Variants in NACC2 observed in about 807,000 individuals in gnomAD.
The protein encoded by NACC2 is NACC family member 2.
NACC2 carries 8 observed loss-of-function variants against 25.1 expected under a neutral mutation model. That is an observed-to-expected ratio of 0.32 (90% CI 0.19 to 0.57). NACC2 has a LOEUF of 0.57. Ranked by LOEUF, NACC2 falls within the 20% of genes least tolerant of loss-of-function variation. The pLI, the probability that NACC2 is intolerant of heterozygous loss-of-function variation, is 0.89. For synonymous variants in NACC2, 435 were observed against 294.7 expected, an observed-to-expected ratio of 1.48 and a Z score of -4.88; for missense variants, 644 against 650.2, an observed-to-expected ratio of 0.99 and a Z score of 0.10.
intron 1 of NACC2, among the ~76,000 whole-genome samples, chr9:136,057,145 G>GCCGGGGGTCTGGT (rs1197585333): frequency 6.6e-6 from 1 of 152,232 alleles, no homozygotes. Flanking sequence ...CGTTGGCTCT[G>GCCGGGGGTCTGGT]CCGGGGGTCT....
chr9:136,095,107 G>A (rs1477123561), intron 1 of NACC2, 82 bp downstream of exon 1: 1 of 146,422 alleles, frequency 6.8e-6, no homozygotes, highest in Non-Finnish European at 1.5e-5. Flanking sequence ...CGGAGTTTGC[G>A]GGAAGTGCGG....
chr9:136,053,123 T>G (rs1258418191), intron 1 of NACC2, among the ~76,000 whole-genome samples: 1 of 152,160 alleles, frequency 6.6e-6, no homozygotes, highest in African/African-American at 2.4e-5. Flanking sequence ...GGCAGCAGGA[T>G]GCGGAGGAGG....
rs1840015718 is a variant in NACC2 at position 136,006,644 on chromosome 9, G to T, written c.*4872C>A. Reference sequence around the variant, plus strand: ...TCATGGATTTCCACTGTCTGAAACGGCTCTGAGCACGCTTGAAGCCCTCGG... The same window carrying T: ...TCATGGATTTCCACTGTCTGAAACGTCTCTGAGCACGCTTGAAGCCCTCGG... On this transcript the variant is annotated 3_prime_UTR_variant, in exon 6 of 6. Transcript: ENST00000277554. 6.6e-6 allele frequency: 1 copy of T among 151,906 alleles called. No homozygotes were observed. Among genetic ancestry groups the T allele is most frequent in the South Asian group, 2.1e-4 (1 of 4,658 alleles). The allele number at this position is 151,906 out of a possible 1,614,324, so 9.4% of individuals were successfully genotyped here.
At position 136,007,462 on chromosome 9, in the gene NACC2, GACGC is replaced by G. The variant is rs1840035661; in HGVS notation, c.*4050_*4053del. 5.6e-5 allele frequency: 6 copies of G among 107,266 alleles called. No individual in the cohort carries two copies. Among genetic ancestry groups the G allele is most frequent in the African/African-American group, 1.8e-4 (5 of 27,070 alleles). 6.6% of individuals were successfully genotyped at this position (107,266 alleles called of 1,614,324 possible). On this transcript the variant is annotated 3_prime_UTR_variant, in exon 6 of 6. Transcript: ENST00000277554. ...AGACGCGCACACACACGCGCACACA[GACGC>G]ACACACACAGACGCACACACGCACA...
intron 1 of NACC2, among the ~76,000 whole-genome samples, chr9:136,085,137 ATTTTTTTT>A (rs913472378): frequency 4.8e-5 from 4 of 82,770 alleles, no homozygotes; most frequent in Non-Finnish European, 6.9e-5. Flanking sequence ...CATTTCTACA[ATTTTTTTT>A]TTTTTTTTTT....
chr9:136,047,212 G>A (rs911843338), intron 2 of NACC2, among the ~76,000 whole-genome samples: 19 of 152,282 alleles, frequency 1.2e-4, no homozygotes, highest in Middle Eastern at 3.4e-3. Flanking sequence ...GGACGAGCCC[G>A]GGACACGGAG....
At chr9:136,080,445 G>A (rs753603600) in intron 1 of NACC2, among the ~76,000 whole-genome samples, 2 of 152,176 alleles carry the variant, frequency 1.3e-5, no homozygotes, top group Non-Finnish European at 2.9e-5. Context: ...GGTGGCGCAC[G>A]CCTGCAATCC....
At position 136,050,333 on chromosome 9, in the gene NACC2, G is replaced by T; in HGVS notation, c.189C>A (p.Ser63Arg). The change falls in exon 2 of 6, where the codon AGC becomes AGA. Residue 63 changes from serine (S) to arginine (R), a missense_variant. Physicochemically the swap from Ser to Arg is moderately radical, Grantham distance 110. Transcript: ENST00000277554. ...LYFRDLFSGN[S>R]KSAFELPGSV... Reference sequence around the variant, plus strand: ...AGCCGGGCAGCTCGAAGGCGCTCTTGCTGTTGCCGCTGAACAGGTCGCGGA... The same window carrying T: ...AGCCGGGCAGCTCGAAGGCGCTCTTTCTGTTGCCGCTGAACAGGTCGCGGA... 1 of 740,656 alleles carries T rather than the reference G, an allele frequency of 1.4e-6. No homozygotes were observed. The allele number at this position is 740,656 out of a possible 1,614,324, so 45.9% of individuals were successfully genotyped here.
intron 1 of NACC2, among the ~76,000 whole-genome samples, chr9:136,059,221 A>T (rs1304139274): frequency 6.6e-6 from 1 of 152,200 alleles, no homozygotes; most frequent in East Asian, 1.9e-4. Flanking sequence ...CCCCGGGACT[A>T]GGGACACCCT....
intron 2 of NACC2, among the ~76,000 whole-genome samples, chr9:136,039,359 A>G (rs901818231): frequency 1.3e-5 from 2 of 152,388 alleles, no homozygotes; most frequent in South Asian, 2.1e-4. Flanking sequence ...GCCTTCCCAC[A>G]ATTAACAACA....
At chr9:136,049,521 G>A (rs1459884081) in intron 2 of NACC2, 115 bp downstream of exon 2, 5 of 615,796 alleles carry the variant, frequency 8.1e-6, no homozygotes, top group African/African-American at 3.7e-5. Context: ...GGCTTGGTGG[G>A]GGGCTCCCCT....
intron 1 of NACC2, among the ~76,000 whole-genome samples, chr9:136,057,278 G>A (rs1287391119): frequency 6.6e-6 from 1 of 152,208 alleles, no homozygotes; most frequent in Non-Finnish European, 1.5e-5. Flanking sequence ...TTCACTTGCA[G>A]AATATTCTTT....
chr9:136,066,619 C>A (rs55702496), intron 1 of NACC2, among the ~76,000 whole-genome samples: 10 of 152,320 alleles, frequency 6.6e-5, no homozygotes, highest in Non-Finnish European at 1.0e-4. Context: ...CATGACCCAG[C>A]AATTCCAACC....
chr9:136,075,419 G>C (rs959501962), intron 1 of NACC2, among the ~76,000 whole-genome samples: 1 of 152,248 alleles, frequency 6.6e-6, no homozygotes, highest in African/African-American at 2.4e-5. Context: ...CTTGGAACTC[G>C]GAGGCGAATG....
At position 136,011,416 on chromosome 9, in the gene NACC2, A is replaced by T; in HGVS notation, c.*100T>A. 2 of 1,194,998 alleles carry T rather than the reference A, an allele frequency of 1.7e-6. No homozygotes were observed. Among genetic ancestry groups the T allele is most frequent in the Non-Finnish European group, 1.1e-6 (1 of 933,408 alleles). 74.0% of individuals were successfully genotyped at this position (1,194,998 alleles called of 1,614,324 possible). ...AATCACATTTTTCTCAGGCAACAGT[A>T]GCAGTTCAGTAGGTAAGTGGCTTGA... On this transcript the variant is annotated 3_prime_UTR_variant, in exon 6 of 6. Transcript: ENST00000277554.
chr9:136,052,088 G>C (rs1355647175), intron 1 of NACC2, among the ~76,000 whole-genome samples: 1 of 152,240 alleles, frequency 6.6e-6, no homozygotes, highest in Non-Finnish European at 1.5e-5. Flanking sequence ...TGATTTGGGA[G>C]CCGAAGTAAA....
At chr9:136,078,972 C>T (rs576017463) in intron 1 of NACC2, among the ~76,000 whole-genome samples, 3 of 151,928 alleles carry the variant, frequency 2.0e-5, no homozygotes, top group Non-Finnish European at 2.9e-5. Flanking sequence ...GATGCCGCGC[C>T]GCCGCCGCCC....
Position 136,055,387 on chromosome 9 carries a change from G to A in NACC2, c.-59-4807C>T, listed in dbSNP as rs1453419017. 2.0e-5 allele frequency among the ~76,000 whole-genome samples: 3 copies of A among 152,158 alleles called. No individual in the cohort carries two copies. The highest frequency in any genetic ancestry group is 6.5e-5 in the Admixed American group (1 of 15,280). On this transcript the variant is annotated intron_variant, in intron 1 of 5. Transcript: ENST00000277554. This position sits in a 1 kb window ranked among gnomAD's most constrained non-coding sequence, Gnocchi z 4.9. ...GTACCCAGGAGCAGAGGCTCTGGCA[G>A]GTACAAGACCCCTGAAAGCATCCCC...
At chr9:136,047,085 AG>A in intron 2 of NACC2, among the ~76,000 whole-genome samples, 1 of 152,278 alleles carries the variant, frequency 6.6e-6, no homozygotes, top group Non-Finnish European at 1.5e-5. Context: ...CTCAGCCTGC[AG>A]GGACCTTAGA....
Sources: gnomAD v4.1 joint callset for allele counts (sites outside exome capture counted in the v4.1 genomes callset) on GRCh38, gnomAD v4.1.1 for gene constraint, Gnocchi (gnomAD v3.1) non-coding constraint, MANE v1.5 for transcripts, NCBI Gene and HGNC (gene_info 2026-07-23, HGNC 2026-07-21) for gene names.